The following CNBD1 variants were observed in gnomAD, a reference collection of about 807,000 sequenced individuals.
CNBD1 encodes cyclic nucleotide-binding domain-containing protein 1.
A neutral mutation model predicts 54.4 loss-of-function variants in CNBD1; 71 were observed. That is an observed-to-expected ratio of 1.30 (90% CI 1.08 to 1.59). The LOEUF is 1.59. Ranked by LOEUF, CNBD1 falls within the 40% of genes most tolerant of loss-of-function variation. The pLI, the probability that CNBD1 is intolerant of heterozygous loss-of-function variation, is 0.00. For missense variants in CNBD1, 659 were observed against 518.0 expected (o/e 1.27, Z -2.64); for synonymous variants, 182 against 170.7 (o/e 1.07, Z -0.51).
At chr8:86,905,682 T>G (rs1359875370) in intron 3 of CNBD1, among the ~76,000 whole-genome samples, 1 of 152,112 alleles carries the variant, frequency 6.6e-6, no homozygotes, top group African/African-American at 2.4e-5. Flanking sequence ...ATTTTTAAAG[T>G]CAAAGAATGA....
intron 4 of CNBD1, among the ~76,000 whole-genome samples, chr8:87,158,144 C>T (rs1288698093): frequency 6.6e-6 from 1 of 152,028 alleles, no homozygotes; most frequent in East Asian, 1.9e-4. Context: ...AGGGAGTCTA[C>T]CTTAGAGTTG....
At chr8:87,421,781 T>G (rs1251703530) in intron 2 of CNBD1, among the ~76,000 whole-genome samples, 13 of 146,322 alleles carry the variant, frequency 8.9e-5, no homozygotes, top group African/African-American at 3.3e-4. Flanking sequence ...GTCCTTTGGG[T>G]ATATACCCAG....
chr8:87,420,731 A>G (rs1487374888), intron 2 of CNBD1, among the ~76,000 whole-genome samples: 1 of 151,200 alleles, frequency 6.6e-6, no homozygotes, highest in Non-Finnish European at 1.5e-5. Flanking sequence ...TGTTTTACCT[A>G]CATGTTACTT....
intron 4 of CNBD1, among the ~76,000 whole-genome samples, chr8:87,064,023 A>G (rs934872865): frequency 1.3e-5 from 2 of 152,012 alleles, no homozygotes; most frequent in African/African-American, 2.4e-5. Context: ...TCTCTTATAT[A>G]CAATCATATT....
rs143153592 is a variant in CNBD1 at position 87,219,697 on chromosome 8, A to C, written c.577+13559A>C. On this transcript the variant is annotated intron_variant, in intron 5 of 10. Transcript: ENST00000518476. ...AACTGAAATTCGTAATTAAATAAGA[A>C]ACACAGTTTCTAAACTGTTCAATAT... Among the ~76,000 whole-genome samples, 1,147 of 152,154 alleles carry C rather than the reference A, an allele frequency of 7.5e-3. 21 individuals are homozygous for C. The highest frequency in any genetic ancestry group is 0.026 in the African/African-American group (1,090 of 41,562).
chr8:86,979,174 T>C (rs1374758167), intron 4 of CNBD1, among the ~76,000 whole-genome samples: 3 of 151,904 alleles, frequency 2.0e-5, no homozygotes, highest in Non-Finnish European at 4.4e-5. Context: ...ATTTTTCTTA[T>C]TAGTCACTGA....
At chr8:87,104,086 A>C (rs1311822340) in intron 4 of CNBD1, among the ~76,000 whole-genome samples, 6 of 152,248 alleles carry the variant, frequency 3.9e-5, no homozygotes, top group Non-Finnish European at 8.8e-5. Context: ...GCATGTAACC[A>C]AATGAAAAAG....
At chr8:87,377,951 C>A (rs1381801008) in intron 10 of CNBD1, among the ~76,000 whole-genome samples, 6 of 145,454 alleles carry the variant, frequency 4.1e-5, no homozygotes, top group Non-Finnish European at 7.5e-5. Flanking sequence ...TAAATGTCTT[C>A]TTTTGAGAAG....
chr8:86,932,878 C>T (rs1359861057), intron 3 of CNBD1, among the ~76,000 whole-genome samples: 1 of 151,942 alleles, frequency 6.6e-6, no homozygotes, highest in Non-Finnish European at 1.5e-5. Context: ...GTCCCTGGAC[C>T]CTGCTGTTTG....
At chr8:87,042,842 C>A (rs1810102061) in intron 4 of CNBD1, among the ~76,000 whole-genome samples, 1 of 151,650 alleles carries the variant, frequency 6.6e-6, no homozygotes, top group African/African-American at 2.4e-5. Context: ...TTTATAAATT[C>A]CTCTAAATTG....
chr8:87,353,776 G>A lies in CNBD1; in HGVS notation c.1293G>A (p.Lys431=). ...TTGAGATGGCAATCATTGAAGATAA[G>A]GACCTATTTGGTAAATGCATAAATA... is the stretch of plus-strand genomic sequence containing the variant. ...KEVEMAIIED[K]DLFVA The change falls in exon 10 of 11, where the codon AAG becomes AAA. Residue 431 remains lysine (K), a synonymous_variant. Transcript: ENST00000518476. 2 of 1,600,364 alleles carry A rather than the reference G, an allele frequency of 1.2e-6. No homozygotes were observed. The highest frequency in any genetic ancestry group is 2.2e-5 in the East Asian group (1 of 44,636).
intron 4 of CNBD1, among the ~76,000 whole-genome samples, chr8:87,186,207 T>G (rs1330834375): frequency 1.3e-5 from 2 of 152,150 alleles, no homozygotes. Flanking sequence ...AATACCTATT[T>G]GATATTCTTA....
intron 2 of CNBD1, among the ~76,000 whole-genome samples, chr8:87,407,852 T>TA (rs1448371552): frequency 6.6e-6 from 1 of 152,106 alleles, no homozygotes; most frequent in South Asian, 2.1e-4. Context: ...TTGTATTTTT[T>TA]ATTGATTTGT....
At chr8:87,329,333 C>T (rs1809764132) in intron 8 of CNBD1, among the ~76,000 whole-genome samples, 1 of 152,036 alleles carries the variant, frequency 6.6e-6, no homozygotes, top group African/African-American at 2.4e-5. Flanking sequence ...TTAAAGTTGG[C>T]TGTGTCAGTC....
In CNBD1 at chr8:87,274,708, A is replaced by G. The variant is rs1301864309; in HGVS notation, c.772-9970A>G. On this transcript the variant is annotated intron_variant, in intron 6 of 10. Transcript: ENST00000518476. ...GAGTAGGTTGTGAAAATTTTCTCCC[A>G]TTCTGTAGGTTGCCTGTTCACTCTG... Among the ~76,000 whole-genome samples, 36 of 133,148 alleles carry G rather than the reference A, an allele frequency of 2.7e-4. 7 individuals are homozygous for G. Among genetic ancestry groups the G allele is most frequent in the Middle Eastern group, 3.8e-3 (1 of 262 alleles). The allele number at this position is 133,148 out of a possible 152,430, so 87.4% of individuals were successfully genotyped here.
chr8:87,300,794 A>T (rs555026355), intron 8 of CNBD1, among the ~76,000 whole-genome samples: 2 of 152,068 alleles, frequency 1.3e-5, no homozygotes, highest in Non-Finnish European at 2.9e-5. Flanking sequence ...TGGAGATCTG[A>T]ATTTTTTTGT....
chr8:87,391,147 A>G (rs1002623431), intron 2 of CNBD1, among the ~76,000 whole-genome samples: 2 of 152,056 alleles, frequency 1.3e-5, no homozygotes, highest in South Asian at 2.1e-4. Flanking sequence ...TGTTAAATGA[A>G]GAGATAATTG....
chr8:87,159,959 C>A (rs1166707210), intron 4 of CNBD1, among the ~76,000 whole-genome samples: 1 of 151,476 alleles, frequency 6.6e-6, no homozygotes, highest in Non-Finnish European at 1.5e-5. Context: ...CCATACACAC[C>A]AACCAATACA....
chr8:87,057,641 A>T (rs1335539909), intron 4 of CNBD1, among the ~76,000 whole-genome samples: 1 of 152,126 alleles, frequency 6.6e-6, no homozygotes, highest in African/African-American at 2.4e-5. Context: ...TTGAAGTCAG[A>T]AGTTTGAGAC....
Sources: allele counts gnomAD v4.1 joint callset (sites outside exome capture counted in the v4.1 genomes callset), GRCh38; gene constraint gnomAD v4.1.1; transcripts MANE v1.5; gene names NCBI Gene and HGNC (gene_info 2026-07-23, HGNC 2026-07-21).